The following FHAD1 variants were observed in gnomAD, a reference collection of about 807,000 sequenced individuals.
FHAD1 encodes forkhead associated phosphopeptide binding domain 1.
A neutral mutation model predicts 191.3 loss-of-function variants in FHAD1; 146 were observed. The ratio of observed to expected loss-of-function variants is 0.76; its 90% CI spans 0.67 to 0.88. The LOEUF is 0.88. Among genes scored for constraint, FHAD1 ranks in the 40% least tolerant of loss-of-function variants. The pLI, the probability that FHAD1 is intolerant of heterozygous loss-of-function variation, is 0.00. For missense variants in FHAD1, 1,635 were observed against 1,785.8 expected (o/e 0.92, Z 1.52); for synonymous variants, 616 against 672.3 (o/e 0.92, Z 1.29).
At chr1:15,307,762 A>G (rs1183083122) in intron 6 of FHAD1, among the ~76,000 whole-genome samples, 7 of 148,374 alleles carry the variant, frequency 4.7e-5, no homozygotes. Flanking sequence ...ACGGAGTCTC[A>G]CTCTGTCACC....
intron 14 of FHAD1, among the ~76,000 whole-genome samples, chr1:15,330,407 A>G (rs2101870999): frequency 6.6e-6 from 1 of 152,174 alleles, no homozygotes; most frequent in Admixed American, 6.5e-5. Context: ...AACAGGTAGA[A>G]TCAGGTCATG....
intron 20 of FHAD1, among the ~76,000 whole-genome samples, chr1:15,353,704 C>CAAAAAAAAAAAAAAAAAAAAAAA (rs60518389): frequency 4.9e-5 from 3 of 60,986 alleles, no homozygotes; most frequent in Admixed American, 2.6e-4. Flanking sequence ...GACTCCATCT[C>CAAAAAAAAAAAAAAAAAAAAAAA]AAAAAAAAAA....
Position 15,365,936 on chromosome 1 carries a change from T to C in FHAD1, c.3154+3T>C. 1 of 1,545,274 alleles carries C rather than the reference T, an allele frequency of 6.5e-7. No individual in the cohort carries two copies. ...CAGCAGAATGTCGGATTTGAGAGGT[T>C]TGAACAATTTCTGGTGTCTCTTGAC... On this transcript the variant is annotated splice_donor_region_variant and intron_variant, in intron 24 of 33. Coordinates refer to ENST00000688493, the MANE Select transcript of FHAD1 (RefSeq NM_001391957.1).
chr1:15,383,154 A>G (rs755329646), intron 31 of FHAD1: 9 of 471,662 alleles, frequency 1.9e-5, no homozygotes, highest in South Asian at 1.4e-4. Context: ...TTTCCTCATT[A>G]GTAGATGGGA....
chr1:15,351,828 G>GT (rs1690996421), intron 19 of FHAD1, among the ~76,000 whole-genome samples: 1 of 151,802 alleles, frequency 6.6e-6, no homozygotes, highest in Non-Finnish European at 1.5e-5. Flanking sequence ...ATGTGGTTGA[G>GT]GGGGGTGCCT....
At chr1:15,296,661 T>C (rs1574083873) in intron 4 of FHAD1, 23 bp from the exon 5 acceptor site, 6 of 1,543,066 alleles carry the variant, frequency 3.9e-6, no homozygotes, top group Middle Eastern at 1.7e-4. Flanking sequence ...TCTTTTGTGC[T>C]CTCTGCTGAT....
intron 33 of FHAD1, among the ~76,000 whole-genome samples, chr1:15,392,749 C>G (rs536127338): frequency 1.6e-4 from 25 of 152,202 alleles, no homozygotes; most frequent in African/African-American, 5.8e-4. Context: ...TTTTCAAGGC[C>G]CTACGGGTTT....
intron 15 of FHAD1, 58 bp from the exon 16 acceptor site, chr1:15,341,678 A>G: frequency 7.1e-7 from 1 of 1,405,058 alleles, no homozygotes; most frequent in Non-Finnish European, 9.6e-7. Flanking sequence ...AAATGGGGAA[A>G]GACTCTTTAG....
chr1:15,292,543 C>G lies in FHAD1; in HGVS notation c.568+2877C>G, dbSNP rs577837302. Reference sequence around the variant, plus strand: ...AGAGACGAGTTTTCACCATGTTAGCCAGGCTGGTCTCAACCTCCTGACCTC... The same window carrying G: ...AGAGACGAGTTTTCACCATGTTAGCGAGGCTGGTCTCAACCTCCTGACCTC... On this transcript the variant is annotated intron_variant, in intron 4 of 33. Transcript: ENST00000688493. 6.8e-3 allele frequency among the ~76,000 whole-genome samples: 1,039 copies of G among 152,304 alleles called. 15 individuals carry two copies. The highest frequency in any genetic ancestry group is 0.024 in the African/African-American group (979 of 41,546).
At position 15,289,564 on chromosome 1, in the gene FHAD1, A is replaced by C; in HGVS notation, c.466A>C (p.Thr156Pro). Residue 156 changes from threonine to proline, a missense_variant, in exon 4 of 34, where the codon ACC (threonine) becomes CCC (proline). Coordinates refer to ENST00000688493, the MANE Select transcript of FHAD1 (RefSeq NM_001391957.1). This position sits in a 1 kb window ranked among gnomAD's most constrained non-coding sequence, Gnocchi z 4.2. Reference sequence around the variant, plus strand: ...CTGGTCCCAGGCCTTTCCCAGACCCACCGTGGTCCTGCCGGCCTCCCACAG... The same window carrying C: ...CTGGTCCCAGGCCTTTCCCAGACCCCCCGTGGTCCTGCCGGCCTCCCACAG... ...RSWSQAFPRP[T>P]VVLPASHRRP... The C allele has an allele frequency of 6.4e-7, 1 of 1,551,658 alleles. No individual in the cohort carries two copies. The highest frequency in any genetic ancestry group is 8.7e-7 in the Non-Finnish European group (1 of 1,146,992).
At chr1:15,270,632 C>G (rs1327264342) in intron 2 of FHAD1, among the ~76,000 whole-genome samples, 1 of 152,104 alleles carries the variant, frequency 6.6e-6, no homozygotes, top group Non-Finnish European at 1.5e-5. Flanking sequence ...CTTTAGTTGT[C>G]TACATGCAAG....
chr1:15,329,456 C>T lies in FHAD1; in HGVS notation c.1821C>T (p.Asp607=), dbSNP rs774640740. ...CGGGGCTCCAGAAGGTGGTGCTGGACGTCCTGAGGCACGCGCTGTCCTGGC... is the reference window on the plus strand; with the variant it reads ...CGGGGCTCCAGAAGGTGGTGCTGGATGTCCTGAGGCACGCGCTGTCCTGGC... ...PVSGLQKVVL[D]VLRHALSWLE... is the part of the protein sequence containing the mutation. The change falls in exon 14 of 34, where the codon GAC becomes GAT. Residue 607 remains aspartate (D), a synonymous_variant. Transcript: ENST00000688493. This position sits in a 1 kb window ranked among gnomAD's most constrained non-coding sequence, Gnocchi z 5.0. The T allele has an allele frequency of 2.5e-5, 39 of 1,551,178 alleles. No individual in the cohort carries two copies. Among genetic ancestry groups the T allele is most frequent in the Non-Finnish European group, 3.1e-5 (35 of 1,146,984 alleles).
At chr1:15,388,588 A>G (rs1702940961) in intron 32 of FHAD1, among the ~76,000 whole-genome samples, 1 of 151,436 alleles carries the variant, frequency 6.6e-6, no homozygotes, top group Non-Finnish European at 1.5e-5. Flanking sequence ...AGGGGGGTGA[A>G]AGAAGGTGGG....
At chr1:15,288,939 TGAG>T (rs1259217436) in intron 3 of FHAD1, among the ~76,000 whole-genome samples, 1 of 152,118 alleles carries the variant, frequency 6.6e-6, no homozygotes, top group Non-Finnish European at 1.5e-5. Context: ...ATCCCAAACT[TGAG>T]GAGAGTCCAG....
intron 6 of FHAD1, among the ~76,000 whole-genome samples, chr1:15,307,868 C>A (rs1202730389): frequency 6.6e-6 from 1 of 151,914 alleles, no homozygotes; most frequent in Non-Finnish European, 1.5e-5. Flanking sequence ...GTAGCTGGGA[C>A]TACAGGTGCC....
chr1:15,274,607 G>A (rs1344573422), intron 3 of FHAD1, among the ~76,000 whole-genome samples: 3 of 87,428 alleles, frequency 3.4e-5, no homozygotes, highest in Admixed American at 1.3e-4. Context: ...GCAAGACTCC[G>A]CCTCAAAAAA....
downstream of FHAD1, among the ~76,000 whole-genome samples, chr1:15,402,398 A>T (rs538785047): frequency 6.6e-6 from 1 of 152,228 alleles, no homozygotes; most frequent in East Asian, 1.9e-4. Context: ...GGTTTGTTAC[A>T]TGTGTATATA....
At chr1:15,241,550 T>G (rs2100550093) in intron 1 of FHAD1, among the ~76,000 whole-genome samples, 1 of 152,152 alleles carries the variant, frequency 6.6e-6, no homozygotes, top group East Asian at 1.9e-4. Context: ...CTTGGGAGGC[T>G]GAGGTAGGAG....
chr1:15,277,184 TC>T (rs1658704089), intron 3 of FHAD1, among the ~76,000 whole-genome samples: 1 of 152,166 alleles, frequency 6.6e-6, no homozygotes, highest in Non-Finnish European at 1.5e-5. Context: ...AGCCAGAGCT[TC>T]CCACATGACT....
Sources: gnomAD v4.1 joint callset for allele counts (sites outside exome capture counted in the v4.1 genomes callset) on GRCh38, gnomAD v4.1.1 for gene constraint, Gnocchi (gnomAD v3.1) non-coding constraint, MANE v1.5 for transcripts, NCBI Gene and HGNC (gene_info 2026-07-23, HGNC 2026-07-21) for gene names.